The following MYOM2 variants were observed in gnomAD, a reference collection of about 807,000 sequenced individuals.
The protein encoded by MYOM2 is myomesin-2.
In MYOM2, 254 loss-of-function variants were observed where a neutral mutation model predicts 187.6. That is an observed-to-expected ratio of 1.35 (90% CI 1.22 to 1.50). The LOEUF (loss-of-function observed/expected upper bound fraction) is 1.50, where lower values mean the gene tolerates loss of function less well. Among genes scored for constraint, MYOM2 ranks in the 40% most tolerant of loss-of-function variants. The probability of loss-of-function intolerance (pLI) is 0.00; values close to 1 mark genes in which losing one functional copy is unlikely to be tolerated. For synonymous variants in MYOM2, 981 were observed against 753.8 expected, an observed-to-expected ratio of 1.30 and a Z score of -4.94; for missense variants, 2,796 against 1,924.0, an observed-to-expected ratio of 1.45 and a Z score of -8.48.
chr8:2,070,445 A>G (rs995612287), intron 8 of MYOM2, among the ~76,000 whole-genome samples: 14 of 152,154 alleles, frequency 9.2e-5, no homozygotes, highest in African/African-American at 3.4e-4. Context: ...TGAGCCCCCA[A>G]GACCACCAAA....
rs1399211794 is a variant in MYOM2, at chr8:2,100,024, C to T, written c.2441-852C>T. ...CCTTCCTTCCTTCCTTTCTTTCCTT[C>T]CTTCCTTCTTTCCTTCCTTCCTTCT... On this transcript the variant is annotated intron_variant, in intron 19 of 36. Coordinates refer to ENST00000262113, the MANE Select transcript of MYOM2 (RefSeq NM_003970.4). Among the ~76,000 whole-genome samples, 72 of 83,824 alleles carry T rather than the reference C, an allele frequency of 8.6e-4. 1 individual carries two copies. The highest frequency in any genetic ancestry group is 2.2e-3 in the African/African-American group (69 of 30,904). The allele number at this position is 83,824 out of a possible 152,430, so 55.0% of individuals were successfully genotyped here. A position where few individuals can be genotyped will look rare whatever the true frequency, so the allele number is the denominator to read the frequency against.
At chr8:2,109,361 C>T in intron 24 of MYOM2, 34 bp from the exon 25 acceptor site, 1 of 1,571,624 alleles carries the variant, frequency 6.4e-7, no homozygotes, top group South Asian at 1.2e-5. Context: ...AGGATTCATG[C>T]ATTATTGACT....
At chr8:2,113,643 T>C (rs1458010896) in intron 25 of MYOM2, among the ~76,000 whole-genome samples, 1 of 152,124 alleles carries the variant, frequency 6.6e-6, no homozygotes, top group African/African-American at 2.4e-5. Context: ...GGGGAAGGTC[T>C]CAGTTGATCA....
At chr8:2,058,800 A>G (rs527842405) in intron 5 of MYOM2, among the ~76,000 whole-genome samples, 1 of 152,010 alleles carries the variant, frequency 6.6e-6, no homozygotes, top group African/African-American at 2.4e-5. Context: ...GTCCCGCAGA[A>G]CTCCCTGAGA....
rs916335577 is a variant in MYOM2, at chr8:2,102,627, T to C, written c.2620-40T>C. On this transcript the variant is annotated intron_variant, in intron 20 of 36. Transcript: ENST00000262113. ...TGAAAAACTCCACAGTCATCTTTAT[T>C]TTACCTCCACACATCTGGTGTTTCC... The C allele has an allele frequency of 2.8e-6, 4 of 1,417,578 alleles. No homozygotes were observed. The Admixed American group carries it at 7.1e-5, about 25-fold the overall frequency. 87.8% of individuals were successfully genotyped at this position (1,417,578 alleles called of 1,614,324 possible).
At chr8:2,135,802 C>G (rs1798048596) in intron 32 of MYOM2, among the ~76,000 whole-genome samples, 1 of 152,098 alleles carries the variant, frequency 6.6e-6, no homozygotes, top group African/African-American at 2.4e-5. Context: ...CTAGGTAAGG[C>G]AACAGTTATA....
chr8:2,095,582 G>A (rs1034635358), intron 17 of MYOM2, among the ~76,000 whole-genome samples: 44 of 152,218 alleles, frequency 2.9e-4, no homozygotes, highest in African/African-American at 1.0e-3. Flanking sequence ...ATGAGCCACC[G>A]CACCTGGCCT....
At chr8:2,089,793 A>C (rs1179886855) in intron 14 of MYOM2, among the ~76,000 whole-genome samples, 1 of 152,238 alleles carries the variant, frequency 6.6e-6, no homozygotes, top group East Asian at 1.9e-4. Flanking sequence ...ATTAGTAAAC[A>C]TGATCAACTT....
Position 2,085,287 on chromosome 8 carries a change from C to T in MYOM2, c.1541C>T (p.Pro514Leu), listed in dbSNP as rs1819774468. ...GGTGACGCCCAGGTTCCAGGGCCTC[C>T]CACCGGTGTGCACGCTTCCGAGATC... ...LEGDAQVPGP[P>L]TGVHASEISR... is the part of the protein sequence containing the mutation. Residue 514 changes from proline (P) to leucine (L), a missense_variant, in exon 14 of 37, where the codon CCC (proline) becomes CTC (leucine). Transcript: ENST00000262113. The T allele has an allele frequency of 1.9e-6, 3 of 1,614,010 alleles. No homozygotes were observed. The highest frequency in any genetic ancestry group is 1.7e-6 in the Non-Finnish European group (2 of 1,180,022).
chr8:2,078,732 A>T lies in MYOM2; in HGVS notation c.1263-2A>T, dbSNP rs1215159438. ...TGTTGTTTTTCTTTTTTTAACTTGA[A>T]GATGTGAAGTAGGAACGAATAATTG... On this transcript the variant is annotated splice_acceptor_variant, in intron 11 of 36. Coordinates refer to ENST00000262113, the MANE Select transcript of MYOM2 (RefSeq NM_003970.4). LOFTEE classifies it high-confidence loss of function. 1 of 1,613,900 alleles carries T rather than the reference A, an allele frequency of 6.2e-7. No homozygotes were observed. Among genetic ancestry groups the T allele is most frequent in the African/African-American group, 1.3e-5 (1 of 74,896 alleles).
At chr8:2,099,134 T>C in intron 19 of MYOM2, 151 bp downstream of exon 19, 1 of 1,086,638 alleles carries the variant, frequency 9.2e-7, no homozygotes, top group Non-Finnish European at 1.3e-6. Context: ...CCAGGCGCCG[T>C]GCAGGGCTGT....
At chr8:2,059,052 C>T in intron 5 of MYOM2, 101 bp from the exon 6 acceptor site, 1 of 914,292 alleles carries the variant, frequency 1.1e-6, no homozygotes, top group Non-Finnish European at 1.7e-6. Flanking sequence ...CTAAGGGAAA[C>T]CTGCAGAAAT....
chr8:2,053,126 T>C (rs7835264), intron 3 of MYOM2, among the ~76,000 whole-genome samples: 35,123 of 152,160 alleles, frequency 0.23, 5,812 homozygotes, highest in African/African-American at 0.47. Context: ...CTTCAAAGCA[T>C]TTAAAACCTG....
Position 2,072,328 on chromosome 8 carries a change from C to A in MYOM2, c.794-17C>A. ...CTCTGCCCTTCGGCCCTGAAAGCCT[C>A]CATCGTTTCTGTGCAGTGCCCCTGT... On this transcript the variant is annotated splice_polypyrimidine_tract_variant and intron_variant, in intron 8 of 36. Coordinates refer to ENST00000262113, the MANE Select transcript of MYOM2 (RefSeq NM_003970.4). The A allele has an allele frequency of 6.2e-7, 1 of 1,609,050 alleles. No individual in the cohort carries two copies. The highest frequency in any genetic ancestry group is 8.5e-7 in the Non-Finnish European group (1 of 1,178,938).
chr8:2,111,892 C>A (rs117653426), intron 25 of MYOM2, among the ~76,000 whole-genome samples: 1 of 152,162 alleles, frequency 6.6e-6, no homozygotes, highest in Admixed American at 6.6e-5. Flanking sequence ...CACAAGTATA[C>A]GCTGTGTGAT....
intron 14 of MYOM2, among the ~76,000 whole-genome samples, chr8:2,086,306 C>A (rs1375563458): frequency 6.1e-5 from 7 of 114,198 alleles, no homozygotes; most frequent in African/African-American, 1.6e-4. Flanking sequence ...CCGCGTGGCC[C>A]CCCACAGTCG....
At chr8:2,059,063 G>A (rs1021285191) in intron 5 of MYOM2, 90 bp from the exon 6 acceptor site, 2 of 1,026,176 alleles carry the variant, frequency 1.9e-6, no homozygotes, top group African/African-American at 3.1e-5. Context: ...CTGCAGAAAT[G>A]GGCAGCAGGC....
chr8:2,081,026 C>T (rs1029705559), intron 13 of MYOM2, among the ~76,000 whole-genome samples: 3 of 138,428 alleles, frequency 2.2e-5, no homozygotes, highest in African/African-American at 5.6e-5. Context: ...TTCTGGCCTG[C>T]GGGAGGAACA....
At chr8:2,097,460 G>A (rs755326857) in intron 18 of MYOM2, among the ~76,000 whole-genome samples, 14 of 152,072 alleles carry the variant, frequency 9.2e-5, no homozygotes, top group Non-Finnish European at 1.5e-4. Context: ...CATCTCCATT[G>A]CCTCCCAGTA....
Sources: gnomAD v4.1 joint callset for allele counts (sites outside exome capture counted in the v4.1 genomes callset) on GRCh38, gnomAD v4.1.1 for gene constraint, MANE v1.5 for transcripts, NCBI Gene and HGNC (gene_info 2026-07-23, HGNC 2026-07-21) for gene names.